Variants in DOCK2 observed in about 807,000 individuals in gnomAD.
The protein encoded by DOCK2 is dedicator of cytokinesis protein 2.
DOCK2 carries 87 observed loss-of-function variants against 248.9 expected under a neutral mutation model. The ratio of observed to expected loss-of-function variants is 0.35; its 90% CI spans 0.29 to 0.42. The LOEUF (loss-of-function observed/expected upper bound fraction) is 0.42, where lower values mean the gene tolerates loss of function less well. Among genes scored for constraint, DOCK2 ranks in the 10% least tolerant of loss-of-function variants. The pLI, the probability that DOCK2 is intolerant of heterozygous loss-of-function variation, is 1.00. For missense variants in DOCK2, 1,747 were observed against 2,300.2 expected, an observed-to-expected ratio of 0.76 and a Z score of 4.92; for synonymous variants, 805 against 821.6, an observed-to-expected ratio of 0.98 and a Z score of 0.35.
chr5:170,081,899 G>C lies in DOCK2; in HGVS notation c.5345G>C (p.Arg1782Pro). 6.2e-7 allele frequency: 1 copy of C among 1,613,924 alleles called. No homozygotes were observed. Among genetic ancestry groups the C allele is most frequent in the Non-Finnish European group, 8.5e-7 (1 of 1,179,994 alleles). ...PGLDEANTSP[R>P]LSQTFLQLSD... ...TTGGATGAGGCCAACACATCTCCCC[G>C]CCTCAGCCAGACCTTCCTCCAACTC... The change falls in exon 51 of 52, where the codon CGC becomes CCC. Residue 1782 changes from arginine to proline, a missense_variant. Arg to Pro is a moderately radical substitution (Grantham distance 103). Transcript: ENST00000520908.
intron 32 of DOCK2, among the ~76,000 whole-genome samples, chr5:170,016,741 G>A (rs1755552282): frequency 6.6e-6 from 1 of 152,154 alleles, no homozygotes; most frequent in Non-Finnish European, 1.5e-5. Context: ...TCCATTCCGT[G>A]GTGGCTTATC....
intron 2 of DOCK2, among the ~76,000 whole-genome samples, chr5:169,660,121 G>A (rs912542820): frequency 6.6e-6 from 1 of 152,136 alleles, no homozygotes; most frequent in Non-Finnish European, 1.5e-5. Flanking sequence ...AGATGCCCCT[G>A]ACATCTTTGT....
intron 1 of DOCK2, among the ~76,000 whole-genome samples, chr5:169,652,370 C>T (rs1321089617): frequency 6.6e-6 from 1 of 152,240 alleles, no homozygotes; most frequent in East Asian, 1.9e-4. Context: ...AAAGACAGAA[C>T]TGGCCTCAAA....
intron 33 of DOCK2, among the ~76,000 whole-genome samples, chr5:170,019,840 G>A (rs919525362): frequency 6.6e-6 from 1 of 151,942 alleles, no homozygotes; most frequent in African/African-American, 2.4e-5. Context: ...CATCAAGGCT[G>A]CCTGAGCCGT....
At chr5:169,642,583 T>C (rs1303355234) in intron 1 of DOCK2, among the ~76,000 whole-genome samples, 1 of 152,162 alleles carries the variant, frequency 6.6e-6, no homozygotes, top group African/African-American at 2.4e-5. Flanking sequence ...CCCCAGAAAT[T>C]AGTCTGGTGA....
chr5:169,887,995 T>C (rs1360863900), intron 27 of DOCK2, among the ~76,000 whole-genome samples: 1 of 152,256 alleles, frequency 6.6e-6, no homozygotes, highest in African/African-American at 2.4e-5. Flanking sequence ...GTGGACATTT[T>C]TTCACATGTT....
At chr5:169,658,494 A>AC (rs1340460303) in intron 2 of DOCK2, among the ~76,000 whole-genome samples, 1 of 151,416 alleles carries the variant, frequency 6.6e-6, no homozygotes, top group East Asian at 1.9e-4. Context: ...AAAAAAAAAA[A>AC]AAAAAAATGT....
intron 49 of DOCK2, 173 bp downstream of exon 49, chr5:170,079,319 C>T: frequency 1.1e-6 from 1 of 892,094 alleles, no homozygotes; most frequent in Non-Finnish European, 1.6e-6. Flanking sequence ...TTACTCGTGC[C>T]CAGGCAGCTG....
intron 27 of DOCK2, among the ~76,000 whole-genome samples, chr5:169,935,470 G>A (rs60483278): frequency 0.05 from 7,566 of 152,162 alleles, 485 homozygotes; most frequent in African/African-American, 0.15. Context: ...GGTGGAGTTC[G>A]GGTTGAGAGC....
intron 27 of DOCK2, among the ~76,000 whole-genome samples, chr5:169,943,388 G>A (rs1442931294): frequency 2.0e-5 from 3 of 151,868 alleles, no homozygotes; most frequent in Non-Finnish European, 4.4e-5. Context: ...GTGGCCCGCG[G>A]GCCATATTCT....
chr5:169,961,114 A>G (rs983073544), intron 27 of DOCK2, among the ~76,000 whole-genome samples: 5 of 152,222 alleles, frequency 3.3e-5, no homozygotes, highest in South Asian at 2.1e-4. Flanking sequence ...CCTGTTGCCC[A>G]TTTGCAATTT....
At chr5:169,685,826 C>G (rs55707612) in intron 8 of DOCK2, among the ~76,000 whole-genome samples, 3,257 of 152,286 alleles carry the variant, frequency 0.021, 87 homozygotes, top group African/African-American at 0.063. Flanking sequence ...AGTCAAGCAA[C>G]TTGCCCAAAG....
Position 169,698,453 on chromosome 5 carries a change from A to C in DOCK2, c.1055+4A>C. On this transcript the variant is annotated splice_donor_region_variant and intron_variant, in intron 11 of 51. Coordinates refer to ENST00000520908, the MANE Select transcript of DOCK2 (RefSeq NM_004946.3). ...AGCACTTCATTCCTTTTCACCCGTA[A>C]GACATTTCCCATTTCTTTCCATTCT... 1.2e-6 allele frequency: 2 copies of C among 1,613,964 alleles called. No homozygotes were observed. The highest frequency in any genetic ancestry group is 1.7e-6 in the Non-Finnish European group (2 of 1,179,864).
chr5:169,996,090 T>C lies in DOCK2; in HGVS notation c.2998T>C (p.Phe1000Leu). Residue 1000 changes from phenylalanine to leucine, a missense_variant, in exon 30 of 52, where the codon TTC becomes CTC. Phe to Leu is a conservative substitution (Grantham distance 22). This residue lies in a region of DOCK2 where 858 missense variants were observed against 1,183.5 expected (regional missense o/e 0.72). Transcript: ENST00000520908. Reference sequence around the variant, plus strand: ...TAATTTTCTGCCCTCTTCCAGGGTCTTCCTGAGAGCTATCAACAAGTTTGC... The same window carrying C: ...TAATTTTCTGCCCTCTTCCAGGGTCCTCCTGAGAGCTATCAACAAGTTTGC... ...MAMSMVQNRV[F>L]LRAINKFAET... 6.2e-7 allele frequency: 1 copy of C among 1,613,890 alleles called. No homozygotes were observed.
At chr5:169,711,839 G>T (rs1166929784) in intron 15 of DOCK2, 96 bp from the exon 16 acceptor site, 17 of 1,353,120 alleles carry the variant, frequency 1.3e-5, no homozygotes, top group Non-Finnish European at 1.8e-5. Context: ...AGCTCTCTCA[G>T]TTAAATGGTC....
intron 22 of DOCK2, among the ~76,000 whole-genome samples, chr5:169,725,869 G>A (rs1762445901): frequency 6.6e-6 from 1 of 152,138 alleles, no homozygotes; most frequent in Non-Finnish European, 1.5e-5. Flanking sequence ...GTATTCCATG[G>A]TGTATATGTG....
At position 169,717,411 on chromosome 5, in the gene DOCK2, C is replaced by G; in HGVS notation, c.2059C>G (p.Arg687Gly). The G allele has an allele frequency of 6.2e-7, 1 of 1,613,846 alleles. No individual in the cohort carries two copies. Among genetic ancestry groups the G allele is most frequent in the Non-Finnish European group, 8.5e-7 (1 of 1,179,812 alleles). Residue 687 changes from arginine (R) to glycine (G), a missense_variant, in exon 21 of 52, where the codon CGG (arginine) becomes GGG (glycine). By Grantham distance (125) the Arg-to-Gly change is moderately radical (BLOSUM62 -2). Around this residue, in one of 4 missense-constraint regions of DOCK2, gnomAD observed 858 missense variants for 1,183.5 expected, o/e 0.72. Transcript: ENST00000520908. ...TTACATAATAGGACTCATTGCAGAC[C>G]GGAAATTTCAGCATTTCAACACCGT... Reference protein sequence around the residue: ...LIYIIGLIADRKFQHFNTVLE... With the variant: ...LIYIIGLIADGKFQHFNTVLE...
intron 4 of DOCK2, 41 bp from the exon 5 acceptor site, chr5:169,671,037 G>A (rs1380132568): frequency 6.4e-7 from 1 of 1,567,648 alleles, no homozygotes. Flanking sequence ...GTTAGCACCT[G>A]GGTCTCAATT....
At chr5:169,686,791 G>C (rs1760010235) in intron 8 of DOCK2, among the ~76,000 whole-genome samples, 1 of 152,206 alleles carries the variant, frequency 6.6e-6, no homozygotes, top group Non-Finnish European at 1.5e-5. Flanking sequence ...CAGATACCCA[G>C]TAGATCCCTG....
Sources: gnomAD v4.1 joint callset for allele counts (sites outside exome capture counted in the v4.1 genomes callset) on GRCh38, gnomAD v4.1.1 for gene constraint, gnomAD v4.1.1 regional missense constraint, MANE v1.5 for transcripts, NCBI Gene and HGNC (gene_info 2026-07-23, HGNC 2026-07-21) for gene names.